KCNJ6: variants seen among roughly 807,000 people sequenced by gnomAD.
KCNJ6 encodes the protein potassium inwardly rectifying channel subfamily J member 6, also known as G protein-activated inward rectifier potassium channel 2.
A neutral mutation model predicts 34.2 loss-of-function variants in KCNJ6; 9 were observed. The observed-to-expected ratio is 0.26, with a 90% confidence interval of 0.16 to 0.46. KCNJ6 has a LOEUF of 0.46. KCNJ6 is among the 20% of genes least tolerant of loss of function. The pLI is 1.00. For synonymous variants in KCNJ6, 196 were observed against 207.1 expected (o/e 0.95, Z 0.46); for missense variants, 236 against 531.3 (o/e 0.44, Z 5.46).
intron 2 of KCNJ6, among the ~76,000 whole-genome samples, chr21:37,718,392 A>C (rs932473520): frequency 7.2e-5 from 11 of 152,214 alleles, no homozygotes; most frequent in African/African-American, 2.7e-4. Context: ...CTATAAGCAG[A>C]TAGAAGAGTG....
At position 37,610,638 on chromosome 21, in the gene KCNJ6, A is replaced by G. The variant is rs1171178146; in HGVS notation, c.*14521T>C. 2.6e-5 allele frequency: 4 copies of G among 151,140 alleles called. No individual in the cohort carries two copies. The highest frequency in any genetic ancestry group is 4.2e-4 in the South Asian group (2 of 4,770). 9.4% of individuals were successfully genotyped at this position (151,140 alleles called of 1,614,324 possible). On this transcript the variant is annotated 3_prime_UTR_variant, in exon 4 of 4. Coordinates refer to ENST00000609713, the MANE Select transcript of KCNJ6 (RefSeq NM_002240.5). ...AAAAAAAAGGAATACAAGTCCTACA[A>G]TGTTTGCTCTTAGATAACAATGGAA...
intron 2 of KCNJ6, among the ~76,000 whole-genome samples, chr21:37,751,056 A>T (rs1454843890): frequency 6.6e-6 from 1 of 152,216 alleles, no homozygotes; most frequent in African/African-American, 2.4e-5. Flanking sequence ...TTTGAGTTCC[A>T]TGATGTCTTT....
At chr21:37,823,655 C>T (rs956654146) in intron 2 of KCNJ6, among the ~76,000 whole-genome samples, 8 of 152,344 alleles carry the variant, frequency 5.3e-5, no homozygotes, top group African/African-American at 1.4e-4. Flanking sequence ...GTTCCCCTTT[C>T]GCCATGATTG....
rs2054232420 is a variant in KCNJ6, at chr21:37,608,626, A to G, written c.*16533T>C. On this transcript the variant is annotated 3_prime_UTR_variant, in exon 4 of 4. Transcript: ENST00000609713. The stretch of plus-strand genomic sequence containing the variant: ...TGTCCCTCTTCGTTTAGGTATTTCT[A>G]AAACTAGACTCAGTTACTTCACGTG... 6.6e-6 allele frequency: 1 copy of G among 152,250 alleles called. No homozygotes were observed. Among genetic ancestry groups the G allele is most frequent in the Admixed American group, 6.5e-5 (1 of 15,284 alleles). The allele number at this position is 152,250 out of a possible 1,614,324, so 9.4% of individuals were successfully genotyped here.
chr21:37,869,328 G>C (rs2055638733), intron 1 of KCNJ6, among the ~76,000 whole-genome samples: 1 of 152,258 alleles, frequency 6.6e-6, no homozygotes, highest in Admixed American at 6.5e-5. Flanking sequence ...TGTATGCCAA[G>C]CATTCCTTTC....
chr21:37,764,918 T>C (rs2055083649), intron 2 of KCNJ6, among the ~76,000 whole-genome samples: 1 of 152,202 alleles, frequency 6.6e-6, no homozygotes, highest in African/African-American at 2.4e-5. Context: ...CGCAAATATT[T>C]CACTTCCAAG....
intron 1 of KCNJ6, among the ~76,000 whole-genome samples, chr21:37,842,026 A>C (rs974628866): frequency 6.6e-6 from 1 of 152,200 alleles, no homozygotes. Context: ...AGTGTATAAA[A>C]GTGTTCAGTT....
chr21:37,797,205 C>A (rs1289378109), intron 2 of KCNJ6, among the ~76,000 whole-genome samples: 1 of 152,056 alleles, frequency 6.6e-6, no homozygotes, highest in Non-Finnish European at 1.5e-5. Context: ...CATGTGCCAC[C>A]ATGCCTGTCT....
At chr21:37,900,542 C>A (rs896077202) in intron 1 of KCNJ6, among the ~76,000 whole-genome samples, 4 of 152,136 alleles carry the variant, frequency 2.6e-5, no homozygotes, top group African/African-American at 9.7e-5. Flanking sequence ...GAAGGTAACG[C>A]ATACTATGGA....
rs1370751858 is a variant in KCNJ6 at position 37,695,126 on chromosome 21, AC to A, written c.946+19084del. Among the ~76,000 whole-genome samples the A allele has an allele frequency of 6.6e-6, 1 of 152,212 alleles. No individual in the cohort carries two copies. Among genetic ancestry groups the A allele is most frequent in the African/African-American group, 2.4e-5 (1 of 41,448 alleles). ...GGAGAGAGTAGCCCCTAGGGTAGGG[AC>A]CTAAAAAGCACCAGGAATGAAGTGA... On this transcript the variant is annotated intron_variant, in intron 3 of 3. Coordinates refer to ENST00000609713, the MANE Select transcript of KCNJ6 (RefSeq NM_002240.5). This position sits in a 1 kb window ranked among gnomAD's most constrained non-coding sequence, Gnocchi z 4.2.
intron 2 of KCNJ6, chr21:37,719,666 C>T (rs979937813): frequency 3.9e-5 from 6 of 152,188 alleles, no homozygotes; most frequent in Non-Finnish European, 8.8e-5. Flanking sequence ...TTTTTCTCCT[C>T]CTCTCTTTTG....
At chr21:37,661,070 A>G (rs2054486058) in intron 3 of KCNJ6, among the ~76,000 whole-genome samples, 1 of 152,172 alleles carries the variant, frequency 6.6e-6, no homozygotes, top group Non-Finnish European at 1.5e-5. Context: ...TTTTTTTGCA[A>G]GGGTCTATTG....
rs746952503 is a variant in KCNJ6 at position 37,625,126 on chromosome 21, G to A, written c.*33C>T. The A allele has an allele frequency of 1.4e-6, 2 of 1,409,504 alleles. No homozygotes were observed. The highest frequency in any genetic ancestry group is 1.4e-5 in the African/African-American group (1 of 70,774). The allele number at this position is 1,409,504 out of a possible 1,614,324, so 87.3% of individuals were successfully genotyped here. On this transcript the variant is annotated 3_prime_UTR_variant, in exon 4 of 4. Coordinates refer to ENST00000609713, the MANE Select transcript of KCNJ6 (RefSeq NM_002240.5). ...GAGAGACAAGGAAAGATTGTGTTGG[G>A]GGGAGAAGAGAAGGGTTTGCCCAGC...
chr21:37,843,908 C>T (rs1056397430), intron 1 of KCNJ6, among the ~76,000 whole-genome samples: 5 of 152,172 alleles, frequency 3.3e-5, no homozygotes, highest in Non-Finnish European at 4.4e-5. Flanking sequence ...CTAGATTTGC[C>T]ATTTCTATGT....
chr21:37,882,151 C>T (rs1241385242), intron 1 of KCNJ6, among the ~76,000 whole-genome samples: 1 of 152,144 alleles, frequency 6.6e-6, no homozygotes, highest in Non-Finnish European at 1.5e-5. Flanking sequence ...GGGTTCACTC[C>T]ATAAGCATTT....
At chr21:37,908,928 T>C (rs1479438536) in intron 1 of KCNJ6, among the ~76,000 whole-genome samples, 1 of 152,218 alleles carries the variant, frequency 6.6e-6, no homozygotes, top group African/African-American at 2.4e-5. Flanking sequence ...CCAGTTTCCC[T>C]CCTCCTGGAT....
chr21:37,882,744 G>A lies in KCNJ6; in HGVS notation c.-28+33140C>T, dbSNP rs569725036. 3.3e-5 allele frequency among the ~76,000 whole-genome samples: 5 copies of A among 152,276 alleles called. No individual in the cohort carries two copies. In the South Asian group the frequency reaches 1.0e-3, roughly 32 times the overall value. ...CATTTGCCATGCCCAGCATCCTATTGCTACTAAATCGACTTAAGCTCGACA... is the reference window on the plus strand; with the variant it reads ...CATTTGCCATGCCCAGCATCCTATTACTACTAAATCGACTTAAGCTCGACA... On this transcript the variant is annotated intron_variant, in intron 1 of 3. Coordinates refer to ENST00000609713, the MANE Select transcript of KCNJ6 (RefSeq NM_002240.5).
chr21:37,693,742 A>C (rs2054651034), intron 3 of KCNJ6, among the ~76,000 whole-genome samples: 1 of 152,194 alleles, frequency 6.6e-6, no homozygotes, highest in Admixed American at 6.5e-5. Context: ...AAATGGTAAC[A>C]CTTTGATAAT....
At chr21:37,865,838 C>T (rs987635662) in intron 1 of KCNJ6, among the ~76,000 whole-genome samples, 1 of 152,226 alleles carries the variant, frequency 6.6e-6, no homozygotes, top group Admixed American at 6.5e-5. Context: ...GCACTCAAGA[C>T]CAAATGGTCC....
Sources: allele counts gnomAD v4.1 joint callset (sites outside exome capture counted in the v4.1 genomes callset), GRCh38; gene constraint gnomAD v4.1.1; non-coding constraint Gnocchi (gnomAD v3.1); transcripts MANE v1.5; gene names NCBI Gene and HGNC (gene_info 2026-07-23, HGNC 2026-07-21).